The following URI1 variants were observed in gnomAD, a reference collection of about 807,000 sequenced individuals.
URI1 encodes the protein URI1 prefoldin like chaperone, also known as unconventional prefoldin RPB5 interactor 1.
A neutral mutation model predicts 60.2 loss-of-function variants in URI1; 39 were observed. That is an observed-to-expected ratio of 0.65 (90% CI 0.50 to 0.85). The LOEUF is 0.85. URI1 is among the 40% of genes least tolerant of loss of function. The probability of loss-of-function intolerance (pLI) is 0.00; values close to 1 mark genes in which losing one functional copy is unlikely to be tolerated. For missense variants in URI1, 691 were observed against 665.9 expected, an observed-to-expected ratio of 1.04 and a Z score of -0.42; for synonymous variants, 251 against 236.8, an observed-to-expected ratio of 1.06 and a Z score of -0.55.
chr19:29,967,362 A>G (rs1440688520), intron 1 of URI1, among the ~76,000 whole-genome samples: 13 of 152,358 alleles, frequency 8.5e-5, no homozygotes, highest in Non-Finnish European at 1.5e-5. Flanking sequence ...TGTCTTAAAA[A>G]TATGATGAGG....
chr19:29,955,254 G>A (rs1308644677), intron 1 of URI1, among the ~76,000 whole-genome samples: 9 of 151,910 alleles, frequency 5.9e-5, no homozygotes, highest in Admixed American at 4.6e-4. Flanking sequence ...GTGAGCCACC[G>A]TGCCCGGCCT....
rs2055452527 is a variant in URI1 at position 29,970,993 on chromosome 19, T to C, written c.118-200T>C. ...AAAGCTGTAATTTGTTCTGCAGTTA[T>C]CAGCCTGCATTAGAGGGTTATGATA... On this transcript the variant is annotated intron_variant, in intron 1 of 10. Transcript: ENST00000392271. The C allele has an allele frequency of 2.3e-5, 13 of 564,606 alleles. No individual in the cohort carries two copies. The South Asian group carries it at 3.1e-4, about 14-fold the overall frequency. 35.0% of individuals were successfully genotyped at this position (564,606 alleles called of 1,614,324 possible).
At chr19:29,930,645 C>T (rs983767289) in intron 1 of URI1, among the ~76,000 whole-genome samples, 3 of 151,928 alleles carry the variant, frequency 2.0e-5, no homozygotes, top group Non-Finnish European at 4.4e-5. Context: ...TTTCTGGGCT[C>T]TTTATTCTAG....
rs1388179006 is a variant in URI1 at position 30,009,091 on chromosome 19, T to C, written c.773T>C (p.Met258Thr). 1.9e-6 allele frequency: 3 copies of C among 1,614,014 alleles called. No individual in the cohort carries two copies. The highest frequency in any genetic ancestry group is 2.5e-6 in the Non-Finnish European group (3 of 1,179,946). Residue 258 changes from methionine (M) to threonine (T), a missense_variant, in exon 8 of 11, where the codon ATG (methionine) becomes ACG (threonine). Coordinates refer to ENST00000392271, the MANE Select transcript of URI1 (RefSeq NM_003796.3). ...GATCGTAACACAAATGTGAATGCGA[T>C]GCATCAAGTAACAGACTCTCATACT... ...KEDRNTNVNA[M>T]HQVTDSHTPC...
chr19:29,942,130 C>T (rs1568406317), upstream of URI1: 1 of 820,966 alleles, frequency 1.2e-6, no homozygotes, highest in Non-Finnish European at 1.5e-6. Context: ...CAGCCCCAGC[C>T]ACGCGGTTCG....
intron 1 of URI1, among the ~76,000 whole-genome samples, chr19:29,931,494 C>T (rs1262056975): frequency 6.6e-6 from 1 of 152,148 alleles, no homozygotes; most frequent in African/African-American, 2.4e-5. Flanking sequence ...CAAGGCCCCA[C>T]CTTCATTTAA....
chr19:29,981,161 C>T (rs1451850033), intron 2 of URI1, among the ~76,000 whole-genome samples: 2 of 151,414 alleles, frequency 1.3e-5, no homozygotes, highest in Non-Finnish European at 2.9e-5. Flanking sequence ...ATGTTGATCC[C>T]TTTCATATTT....
chr19:29,941,517 A>G (rs1452662814), upstream of URI1, among the ~76,000 whole-genome samples: 1 of 151,796 alleles, frequency 6.6e-6, no homozygotes, highest in East Asian at 1.9e-4. Flanking sequence ...GCTACTCCTG[A>G]GGCTGAGGTG....
chr19:29,948,185 T>C (rs1475286132), intron 1 of URI1, among the ~76,000 whole-genome samples: 3 of 152,328 alleles, frequency 2.0e-5, no homozygotes, highest in South Asian at 2.1e-4. Flanking sequence ...TGGTACCTGG[T>C]ACATGGTGGT....
At chr19:29,994,055 CTGTG>C (rs1236465896) in intron 4 of URI1, among the ~76,000 whole-genome samples, 2 of 146,452 alleles carry the variant, frequency 1.4e-5, no homozygotes, top group Non-Finnish European at 1.5e-5. Context: ...TGAATAACCT[CTGTG>C]TGTATGTGTG....
intron 2 of URI1, among the ~76,000 whole-genome samples, chr19:29,974,205 TC>T (rs1255873362): frequency 1.3e-5 from 2 of 152,024 alleles, no homozygotes; most frequent in Non-Finnish European, 2.9e-5. Flanking sequence ...GTAGTGAAGA[TC>T]AAATGAGATC....
chr19:29,928,988 G>T (rs1189436123), intron 1 of URI1, among the ~76,000 whole-genome samples: 1 of 152,138 alleles, frequency 6.6e-6, no homozygotes, highest in Non-Finnish European at 1.5e-5. Context: ...TCCAAGACAG[G>T]AAGTAACACA....
intron 4 of URI1, among the ~76,000 whole-genome samples, chr19:30,002,270 T>C (rs1243048654): frequency 6.6e-6 from 1 of 152,088 alleles, no homozygotes; most frequent in African/African-American, 2.4e-5. Flanking sequence ...GTTAACTAAA[T>C]GTTTCTAAAT....
intron 8 of URI1, among the ~76,000 whole-genome samples, chr19:30,010,367 C>G (rs2056001989): frequency 6.6e-6 from 1 of 152,302 alleles, no homozygotes; most frequent in African/African-American, 2.4e-5. Context: ...ATATGTCAGA[C>G]TGAAGGGGTC....
At chr19:29,929,765 A>T (rs117256053) in intron 1 of URI1, among the ~76,000 whole-genome samples, 2,755 of 152,212 alleles carry the variant, frequency 0.018, 39 homozygotes, top group Non-Finnish European at 0.031. Context: ...AGAAATAGCT[A>T]TGCAAGTTCT....
chr19:29,952,481 C>T (rs1267116168), intron 1 of URI1, among the ~76,000 whole-genome samples: 1 of 152,158 alleles, frequency 6.6e-6, no homozygotes, highest in Admixed American at 6.5e-5. Flanking sequence ...TCACTAAGTT[C>T]AGATGCATGT....
intron 2 of URI1, among the ~76,000 whole-genome samples, chr19:29,975,500 C>CTTTTT (rs10717602): frequency 5.5e-5 from 4 of 72,348 alleles, no homozygotes; most frequent in Admixed American, 1.6e-4. Flanking sequence ...GTTCTGTTTA[C>CTTTTT]TTTTTTTTTT....
intron 1 of URI1, among the ~76,000 whole-genome samples, chr19:29,963,096 A>G (rs1302503812): frequency 6.6e-6 from 1 of 152,018 alleles, no homozygotes; most frequent in East Asian, 1.9e-4. Context: ...TGTGCCTTGA[A>G]ATTTTCTTTG....
At chr19:30,013,531 A>G (rs986304307) in intron 10 of URI1, among the ~76,000 whole-genome samples, 2 of 152,186 alleles carry the variant, frequency 1.3e-5, no homozygotes, top group Non-Finnish European at 2.9e-5. Flanking sequence ...TTGCTGATAA[A>G]TGTTTGAAAA....
Sources: allele counts gnomAD v4.1 joint callset (sites outside exome capture counted in the v4.1 genomes callset), GRCh38; gene constraint gnomAD v4.1.1; transcripts MANE v1.5; gene names NCBI Gene and HGNC (gene_info 2026-07-23, HGNC 2026-07-21).